The following GSTA3 variants were observed in gnomAD, a reference collection of about 807,000 sequenced individuals.
GSTA3 encodes glutathione S-transferase alpha 3.
A neutral mutation model predicts 23.1 loss-of-function variants in GSTA3; 16 were observed. The ratio of observed to expected loss-of-function variants is 0.69; its 90% CI spans 0.47 to 1.05. The LOEUF (loss-of-function observed/expected upper bound fraction) is 1.05, where lower values mean the gene tolerates loss of function less well. GSTA3 is among the 50% of genes least tolerant of loss of function. The pLI is 0.00. For synonymous variants in GSTA3, 122 were observed against 91.0 expected (o/e 1.34, Z -1.94); for missense variants, 319 against 263.6 (o/e 1.21, Z -1.46).
rs753552465 is a variant in GSTA3 at position 52,903,698 on chromosome 6, T to A, written c.117A>T (p.Glu39Asp). 6.3e-7 allele frequency: 1 copy of A among 1,592,954 alleles called. No homozygotes were observed. Among genetic ancestry groups the A allele is most frequent in the Non-Finnish European group, 8.6e-7 (1 of 1,161,144 alleles). ...EFEEKFIGSA[E>D]DLGKLRNDGS... ...TACCATTTCTTAACTTTCCCAAATC[T>A]TCTGCAGATCCTATAAATTTCTCTT... The change falls in exon 3 of 7, where the codon GAA (glutamate) becomes GAT (aspartate). Residue 39 changes from glutamate to aspartate, a missense_variant. By Grantham distance (45) the Glu-to-Asp change is conservative. Transcript: ENST00000211122.
chr6:52,908,660 C>CA (rs1581873350), intron 1 of GSTA3, among the ~76,000 whole-genome samples: 1 of 152,080 alleles, frequency 6.6e-6, no homozygotes, highest in Admixed American at 6.5e-5. Flanking sequence ...CGTGACTACA[C>CA]AAAAAATATT....
In GSTA3 at chr6:52,902,436, TCAATCTCAAC is replaced by T. The variant is rs1368332855; in HGVS notation, c.172_181del (p.Val58MetfsTer3). The T allele has an allele frequency of 3.1e-6, 5 of 1,613,760 alleles. No homozygotes were observed. The highest frequency in any genetic ancestry group is 1.7e-6 in the Non-Finnish European group (2 of 1,179,816). On this transcript the variant is annotated frameshift_variant, in exon 4 of 7. Coordinates refer to ENST00000211122, the MANE Select transcript of GSTA3 (RefSeq NM_000847.5). LOFTEE classifies it high-confidence loss of function. ...TCTGGTCTGTACCAACTTCATCCCA[TCAATCTCAAC>T]CATTGGTACTTGCTGGAACATCAAA...
chr6:52,905,784 C>T lies in GSTA3; in HGVS notation c.51G>A (p.Glu17=). Residue 17 remains glutamate, a synonymous_variant, in exon 2 of 7, where the codon GAG becomes GAA. Coordinates refer to ENST00000211122, the MANE Select transcript of GSTA3 (RefSeq NM_000847.5). Reference sequence around the variant, plus strand: ...CTGCAGCCAAGAGCCACCGGATGGGCTCCATTCTGCCCCGTCCATTGAAGT... The same window carrying T: ...CTGCAGCCAAGAGCCACCGGATGGGTTCCATTCTGCCCCGTCCATTGAAGT... The part of the protein sequence containing the change: ...LHYFNGRGRM[E]PIRWLLAAAG... 6.2e-7 allele frequency: 1 copy of T among 1,610,954 alleles called. No individual in the cohort carries two copies. The highest frequency in any genetic ancestry group is 8.5e-7 in the Non-Finnish European group (1 of 1,177,914).
At chr6:52,897,051 G>A in intron 6 of GSTA3, 123 bp from the exon 7 acceptor site, 2 of 1,382,714 alleles carry the variant, frequency 1.4e-6, no homozygotes, top group Non-Finnish European at 9.8e-7. Context: ...GCACCAGCAT[G>A]GAGGCAGAAA....
At chr6:52,903,546 G>A (rs1000945110) in intron 3 of GSTA3, 130 bp downstream of exon 3, 6 of 472,696 alleles carry the variant, frequency 1.3e-5, no homozygotes, top group East Asian at 8.2e-5. Context: ...GCAGTAAGCC[G>A]AGATCATGCC....
Position 52,897,899 on chromosome 6 carries a change from TGTC to T in GSTA3, c.469_471del (p.Asp157del). 6.2e-7 allele frequency: 1 copy of T among 1,613,956 alleles called. No individual in the cohort carries two copies. Among genetic ancestry groups the T allele is most frequent in the Non-Finnish European group, 8.5e-7 (1 of 1,179,888 alleles). On this transcript the variant is annotated inframe_deletion, in exon 6 of 7. Transcript: ENST00000211122. The stretch of plus-strand genomic sequence containing the variant: ...TAGTAGAGAAGTTCCACCAGGCTAA[TGTC>T]AGCCCGGCTCAGCTTGTTGCCAACA...
chr6:52,905,805 G>A lies in GSTA3; in HGVS notation c.30C>T (p.Phe10=). The A allele has an allele frequency of 1.2e-6, 2 of 1,609,524 alleles. No individual in the cohort carries two copies. Among genetic ancestry groups the A allele is most frequent in the Non-Finnish European group, 1.7e-6 (2 of 1,177,102 alleles). ...TGGGCTCCATTCTGCCCCGTCCATT[G>A]AAGTAGTGAAGCTTGGGCTTCCCTG... The part of the protein sequence containing the change: MAGKPKLHY[F]NGRGRMEPIR... The change falls in exon 2 of 7, where the codon TTC becomes TTT. Residue 10 remains phenylalanine, a synonymous_variant. Transcript: ENST00000211122.
At chr6:52,898,985 G>A (rs542308263) in intron 5 of GSTA3, among the ~76,000 whole-genome samples, 3 of 152,302 alleles carry the variant, frequency 2.0e-5, no homozygotes, top group Non-Finnish European at 4.4e-5. Flanking sequence ...AGTCAGGGCA[G>A]AGCAGGTAGC....
intron 3 of GSTA3, among the ~76,000 whole-genome samples, chr6:52,903,125 C>A (rs1765751226): frequency 6.6e-6 from 1 of 152,102 alleles, no homozygotes; most frequent in Non-Finnish European, 1.5e-5. Context: ...ATTCTCAGGG[C>A]ACTGGGGATG....
chr6:52,897,865 T>C lies in GSTA3; in HGVS notation c.506A>G (p.Glu169Gly). Reference protein sequence around the residue: ...SLVELLYYVEELDSSLISNFP... With the variant: ...SLVELLYYVEGLDSSLISNFP... Reference sequence around the variant, plus strand: ...GTTGGAGATAAGGCTGGAGTCAAGCTCTTCCACATAGTAGAGAAGTTCCAC... The same window carrying C: ...GTTGGAGATAAGGCTGGAGTCAAGCCCTTCCACATAGTAGAGAAGTTCCAC... The change falls in exon 6 of 7, where the codon GAG becomes GGG. Residue 169 changes from glutamate (E) to glycine (G), a missense_variant. By Grantham distance (98) the Glu-to-Gly change is moderately conservative. Coordinates refer to ENST00000211122, the MANE Select transcript of GSTA3 (RefSeq NM_000847.5). 6.2e-7 allele frequency: 1 copy of C among 1,613,810 alleles called. No individual in the cohort carries two copies. Among genetic ancestry groups the C allele is most frequent in the South Asian group, 1.1e-5 (1 of 91,066 alleles).
chr6:52,908,345 AG>A (rs1765965571), intron 1 of GSTA3, among the ~76,000 whole-genome samples: 1 of 151,924 alleles, frequency 6.6e-6, no homozygotes, highest in South Asian at 2.1e-4. Flanking sequence ...AATTAAATAA[AG>A]TCTCTATTTA....
rs1765582185 is a variant in GSTA3 at position 52,899,189 on chromosome 6, G to A, written c.414+745C>T. ...GGTGATCGGAATGAGTCAGGGTGGA[G>A]TAGGTAATCGAAAAAGATTGCTTTA... On this transcript the variant is annotated intron_variant, in intron 5 of 6. Coordinates refer to ENST00000211122, the MANE Select transcript of GSTA3 (RefSeq NM_000847.5). Among the ~76,000 whole-genome samples, 3 of 152,158 alleles carry A rather than the reference G, an allele frequency of 2.0e-5. 1 individual carries two copies. The highest frequency in any genetic ancestry group is 4.1e-4 in the South Asian group (2 of 4,826).
At chr6:52,898,936 C>A (rs1765567610) in intron 5 of GSTA3, among the ~76,000 whole-genome samples, 2 of 152,232 alleles carry the variant, frequency 1.3e-5, no homozygotes, top group African/African-American at 4.8e-5. Context: ...TTCTGATTGG[C>A]TAATTTAAAG....
chr6:52,903,442 A>AC (rs1765766151), intron 3 of GSTA3, among the ~76,000 whole-genome samples: 1 of 151,458 alleles, frequency 6.6e-6, no homozygotes, highest in East Asian at 2.0e-4. Flanking sequence ...AAAAAAAAAA[A>AC]AAAAACTAGC....
chr6:52,901,184 A>G (rs1268213822), intron 4 of GSTA3, among the ~76,000 whole-genome samples: 1 of 152,244 alleles, frequency 6.6e-6, no homozygotes, highest in Non-Finnish European at 1.5e-5. Flanking sequence ...CACTTTTAGT[A>G]CATTTACAGA....
chr6:52,904,331 T>A (rs1377086109), intron 2 of GSTA3, among the ~76,000 whole-genome samples: 1 of 151,958 alleles, frequency 6.6e-6, no homozygotes, highest in Non-Finnish European at 1.5e-5. Flanking sequence ...CTCACAAATG[T>A]CCATGATTAG....
At chr6:52,904,994 T>C (rs1185654680) in intron 2 of GSTA3, among the ~76,000 whole-genome samples, 1 of 152,192 alleles carries the variant, frequency 6.6e-6, no homozygotes, top group African/African-American at 2.4e-5. Flanking sequence ...ACTTAATAGG[T>C]GCACAACAAA....
chr6:52,906,922 A>G (rs1262188184), intron 1 of GSTA3, among the ~76,000 whole-genome samples: 2 of 150,860 alleles, frequency 1.3e-5, no homozygotes, highest in East Asian at 3.9e-4. Flanking sequence ...TCATGTCTAA[A>G]ACACCAAAAG....
intron 3 of GSTA3, among the ~76,000 whole-genome samples, chr6:52,902,991 A>G (rs1765745309): frequency 3.3e-5 from 5 of 152,042 alleles, no homozygotes; most frequent in Admixed American, 3.3e-4. Flanking sequence ...GGCCACATCT[A>G]TTTCTATTCT....
Sources: allele counts gnomAD v4.1 joint callset (sites outside exome capture counted in the v4.1 genomes callset), GRCh38; gene constraint gnomAD v4.1.1; transcripts MANE v1.5; gene names NCBI Gene and HGNC (gene_info 2026-07-23, HGNC 2026-07-21).